CSMD1: variants seen among roughly 807,000 people sequenced by gnomAD.
CSMD1 encodes the protein CUB and sushi domain-containing protein 1.
Under a neutral mutation model 417.5 loss-of-function variants are expected in CSMD1, and 213 were observed. The ratio of observed to expected loss-of-function variants is 0.51; its 90% CI spans 0.46 to 0.57. The LOEUF is 0.57. Ranked by LOEUF, CSMD1 falls within the 20% of genes least tolerant of loss-of-function variation. The pLI, the probability that CSMD1 is intolerant of heterozygous loss-of-function variation, is 0.00. For synonymous variants in CSMD1, 2,862 were observed against 1,736.8 expected (o/e 1.65, Z -16.11); for missense variants, 6,923 against 4,529.7 (o/e 1.53, Z -15.17).
At chr8:3,416,162 G>A (rs1300703059) in intron 12 of CSMD1, among the ~76,000 whole-genome samples, 6 of 64,662 alleles carry the variant, frequency 9.3e-5, no homozygotes, top group Non-Finnish European at 1.4e-4. Context: ...TTAGCCGGGC[G>A]TGTTGGGGGG....
chr8:3,037,431 A>C (rs1810764749), intron 50 of CSMD1, among the ~76,000 whole-genome samples: 1 of 151,646 alleles, frequency 6.6e-6, no homozygotes, highest in African/African-American at 2.4e-5. Flanking sequence ...GGTGGTCTGG[A>C]TCTTCTGACC....
At chr8:3,162,086 G>T in intron 38 of CSMD1, 73 bp downstream of exon 38, 1 of 924,730 alleles carries the variant, frequency 1.1e-6, no homozygotes, top group East Asian at 2.6e-5. Flanking sequence ...ACAAAGTGAG[G>T]GCTTTGGCTT....
At chr8:3,445,886 C>T (rs571613856) in intron 12 of CSMD1, among the ~76,000 whole-genome samples, 5 of 152,118 alleles carry the variant, frequency 3.3e-5, no homozygotes, top group South Asian at 2.1e-4. Context: ...ATAGCAAAAG[C>T]GTAAAATTGA....
chr8:3,686,429 G>C (rs568797087), intron 7 of CSMD1, among the ~76,000 whole-genome samples: 2 of 152,084 alleles, frequency 1.3e-5, no homozygotes, highest in Non-Finnish European at 2.9e-5. Flanking sequence ...ATTTGCTGGT[G>C]GATGGGTTAA....
chr8:4,409,581 G>C (rs191899256), intron 3 of CSMD1, among the ~76,000 whole-genome samples: 1 of 151,456 alleles, frequency 6.6e-6, no homozygotes, highest in East Asian at 2.0e-4. Context: ...CAGCAGGGAT[G>C]AATTTGTTCT....
chr8:3,630,256 T>C (rs377116650), intron 7 of CSMD1, among the ~76,000 whole-genome samples: 2 of 152,112 alleles, frequency 1.3e-5, no homozygotes, highest in East Asian at 1.9e-4. Flanking sequence ...AGGGTCACAG[T>C]TGGACTCTGA....
intron 7 of CSMD1, among the ~76,000 whole-genome samples, chr8:3,675,077 TCGACCATAA>T (rs1160906980): frequency 2.0e-5 from 3 of 152,154 alleles, no homozygotes; most frequent in Non-Finnish European, 4.4e-5. Flanking sequence ...ACGAATACCG[TCGACCATAA>T]AACGCCATCT....
intron 10 of CSMD1, among the ~76,000 whole-genome samples, chr8:3,552,168 T>C (rs1186715563): frequency 6.6e-6 from 1 of 152,112 alleles, no homozygotes; most frequent in African/African-American, 2.4e-5. Context: ...AGAGGTGAGA[T>C]TTTCTGCACA....
chr8:3,361,038 C>G (rs75299765), intron 20 of CSMD1, among the ~76,000 whole-genome samples: 52 of 152,242 alleles, frequency 3.4e-4, no homozygotes, highest in African/African-American at 1.2e-3. Context: ...GATAAGCAAT[C>G]TACTCTGGAT....
chr8:3,981,259 C>A (rs1813838708), intron 5 of CSMD1, among the ~76,000 whole-genome samples: 1 of 152,018 alleles, frequency 6.6e-6, no homozygotes, highest in Admixed American at 6.6e-5. Flanking sequence ...AACCAAACAT[C>A]GTATGTACTC....
In CSMD1 at chr8:4,299,631, A is replaced by T. The variant is rs1036990922; in HGVS notation, c.415+120322T>A. On this transcript the variant is annotated intron_variant, in intron 3 of 69. Coordinates refer to ENST00000635120, the MANE Select transcript of CSMD1 (RefSeq NM_033225.6). Reference sequence around the variant, plus strand: ...TTTTGTATCATATCATATATCATACACTATCTTTCTTTTCTTTCTTTGAGA... The same window carrying T: ...TTTTGTATCATATCATATATCATACTCTATCTTTCTTTTCTTTCTTTGAGA... Among the ~76,000 whole-genome samples, 66 of 152,054 alleles carry T rather than the reference A, an allele frequency of 4.3e-4. 1 individual carries two copies. Among genetic ancestry groups the T allele is most frequent in the Non-Finnish European group, 8.7e-4 (59 of 68,014 alleles).
At chr8:3,892,465 C>A (rs1001203963) in intron 5 of CSMD1, among the ~76,000 whole-genome samples, 1 of 152,036 alleles carries the variant, frequency 6.6e-6, no homozygotes, top group African/African-American at 2.4e-5. Context: ...TTCATTCAGG[C>A]CCCAACTAAG....
At chr8:3,939,232 A>G (rs1810709256) in intron 5 of CSMD1, among the ~76,000 whole-genome samples, 1 of 152,130 alleles carries the variant, frequency 6.6e-6, no homozygotes, top group African/African-American at 2.4e-5. Flanking sequence ...TAAACTTTTA[A>G]AATCCATGTT....
chr8:3,214,555 G>C lies in CSMD1; in HGVS notation c.4809C>G (p.Thr1603=). 1 of 1,595,308 alleles carries C rather than the reference G, an allele frequency of 6.3e-7. No homozygotes were observed. The highest frequency in any genetic ancestry group is 8.5e-7 in the Non-Finnish European group (1 of 1,170,666). The change falls in exon 30 of 70, where the codon ACC becomes ACG. Residue 1603 remains threonine (T), a synonymous_variant. Coordinates refer to ENST00000635120, the MANE Select transcript of CSMD1 (RefSeq NM_033225.6). ...GTTTCCCATCAGCCCCAATCACACAGGTGATGGATGAGGGGTCAAGAATCT... is the reference window on the plus strand; with the variant it reads ...GTTTCCCATCAGCCCCAATCACACACGTGATGGATGAGGGGTCAAGAATCT... The part of the protein sequence containing the change: ...GYKILDPSSI[T]CVIGADGKPS...
intron 7 of CSMD1, among the ~76,000 whole-genome samples, chr8:3,632,825 T>G (rs1245495162): frequency 6.6e-6 from 1 of 152,220 alleles, no homozygotes; most frequent in Non-Finnish European, 1.5e-5. Flanking sequence ...CTGTGTCTAT[T>G]GGTTCCCCTT....
At chr8:4,168,400 C>T (rs533165213) in intron 3 of CSMD1, among the ~76,000 whole-genome samples, 1 of 151,660 alleles carries the variant, frequency 6.6e-6, no homozygotes, top group African/African-American at 2.4e-5. Flanking sequence ...TACTCTCTCT[C>T]TCAATATATA....
chr8:3,770,844 G>A (rs76198179), intron 5 of CSMD1, among the ~76,000 whole-genome samples: 5 of 152,060 alleles, frequency 3.3e-5, no homozygotes, highest in African/African-American at 9.7e-5. Context: ...AGATAAAGGA[G>A]GAAAAACAAA....
At chr8:4,327,649 C>G (rs989180922) in intron 3 of CSMD1, among the ~76,000 whole-genome samples, 1 of 152,082 alleles carries the variant, frequency 6.6e-6, no homozygotes, top group Non-Finnish European at 1.5e-5. Context: ...CAAAAAACAA[C>G]AAAAAGCTCC....
At chr8:4,979,879 T>C (rs1810782071) in intron 1 of CSMD1, among the ~76,000 whole-genome samples, 1 of 151,782 alleles carries the variant, frequency 6.6e-6, no homozygotes. Flanking sequence ...CTACTAAAAA[T>C]ACAAAAAAAT....
Sources: gnomAD v4.1 joint callset for allele counts (sites outside exome capture counted in the v4.1 genomes callset) on GRCh38, gnomAD v4.1.1 for gene constraint, MANE v1.5 for transcripts, NCBI Gene and HGNC (gene_info 2026-07-23, HGNC 2026-07-21) for gene names.